Variants in NLGN4Y observed in about 807,000 individuals in gnomAD.
The protein encoded by NLGN4Y is neuroligin-4, Y-linked.
A neutral mutation model predicts 8.4 loss-of-function variants in NLGN4Y; 4 were observed. The ratio of observed to expected loss-of-function variants is 0.48; its 90% CI spans 0.23 to 1.09. The LOEUF (loss-of-function observed/expected upper bound fraction) is 1.09. Among genes scored for constraint, NLGN4Y ranks in the 50% least tolerant of loss-of-function variants. The probability of loss-of-function intolerance (pLI) is 0.19; values close to 1 mark genes in which losing one functional copy is unlikely to be tolerated. For missense variants in NLGN4Y, 90 were observed against 192.3 expected (o/e 0.47, Z 3.15); for synonymous variants, 35 against 75.6 (o/e 0.46, Z 2.78).
chrY:14,595,296 G>A (rs1017134387), intron 1 of NLGN4Y, among the ~76,000 whole-genome samples: 2 of 32,544 alleles, frequency 6.1e-5, no homozygotes, highest in Admixed American at 5.7e-4. Context: ...GTTTCCTTCC[G>A]GGCAGGGGAG....
At chrY:14,579,588 T>G in intron 1 of NLGN4Y, among the ~76,000 whole-genome samples, 3 of 32,479 alleles carry the variant, frequency 9.2e-5, no homozygotes, top group Non-Finnish European at 2.3e-4. Flanking sequence ...GGCACTTGCC[T>G]GTAGTCCTAG....
At chrY:14,739,387 G>C in intron 4 of NLGN4Y, among the ~76,000 whole-genome samples, 1 of 32,977 alleles carries the variant, frequency 3.0e-5, no homozygotes, top group Non-Finnish European at 7.4e-5. Context: ...GAAAGAATAT[G>C]TACATAGGGG....
At chrY:14,646,984 T>C in intron 2 of NLGN4Y, among the ~76,000 whole-genome samples, 1 of 34,070 alleles carries the variant, frequency 2.9e-5, no homozygotes, top group Non-Finnish European at 7.3e-5. Context: ...CAAGCTCTGA[T>C]TTGCATTTTG....
chrY:14,817,690 G>A (rs895932945), intron 4 of NLGN4Y, among the ~76,000 whole-genome samples: 3 of 33,202 alleles, frequency 9.0e-5, no homozygotes, highest in African/African-American at 3.5e-4. Flanking sequence ...TGACCAAACA[G>A]ATGAGGGCTA....
chrY:14,615,596 A>G, intron 1 of NLGN4Y, among the ~76,000 whole-genome samples: 1 of 33,628 alleles, frequency 3.0e-5, no homozygotes, highest in Non-Finnish European at 7.4e-5. Flanking sequence ...TGTTTCATCA[A>G]TACCTCGTTA....
At chrY:14,733,579 C>T in intron 4 of NLGN4Y, 5 of 170,746 alleles carry the variant, frequency 2.9e-5, no homozygotes, top group African/African-American at 2.6e-4. Flanking sequence ...GATTTTAGGG[C>T]GATTCTACCC....
Position 14,588,929 on chromosome Y carries a change from T to C in NLGN4Y, c.-111-33080T>C, listed in dbSNP as rs2150490105. Among the ~76,000 whole-genome samples the C allele has an allele frequency of 9.2e-5, 3 of 32,782 alleles. No individual in the cohort carries two copies. In the South Asian group the frequency reaches 2.2e-3, roughly 24 times the overall value. 88.0% of individuals were successfully genotyped at this position (32,782 alleles called of 37,273 possible). A position where few individuals can be genotyped will look rare whatever the true frequency, so the allele number is the denominator to read the frequency against. On this transcript the variant is annotated intron_variant, in intron 1 of 6. Transcript: ENST00000684976. The stretch of plus-strand genomic sequence containing the variant: ...TGCATCTGGAGTTGTTCATTACTCC[T>C]GGTGGGCTCGTGGTCTTGCTGGGCT...
chrY:14,743,585 C>T (rs1603503424), intron 4 of NLGN4Y, among the ~76,000 whole-genome samples: 1 of 31,844 alleles, frequency 3.1e-5, no homozygotes, highest in Non-Finnish European at 7.6e-5. Context: ...GCACAGTAAA[C>T]GGGAGTCTCT....
chrY:14,680,596 CTA>C (rs2080765275), intron 2 of NLGN4Y, among the ~76,000 whole-genome samples: 1 of 33,263 alleles, frequency 3.0e-5, no homozygotes, highest in Non-Finnish European at 7.4e-5. Flanking sequence ...TGAGGCCTCA[CTA>C]TGTGTAAGAC....
intron 2 of NLGN4Y, among the ~76,000 whole-genome samples, chrY:14,688,189 C>G: frequency 3.0e-5 from 1 of 33,021 alleles, no homozygotes; most frequent in South Asian, 6.7e-4. Flanking sequence ...TATGAGACAT[C>G]AAACATAATA....
chrY:14,826,143 A>G (rs755084673), intron 5 of NLGN4Y, among the ~76,000 whole-genome samples: 24 of 33,466 alleles, frequency 7.2e-4, no homozygotes, highest in African/African-American at 2.8e-3. Flanking sequence ...AGGAGAAAGC[A>G]GGAAAATCTG....
intron 6 of NLGN4Y, among the ~76,000 whole-genome samples, chrY:14,838,552 C>T: frequency 3.1e-5 from 1 of 32,064 alleles, no homozygotes; most frequent in Admixed American, 2.9e-4. Flanking sequence ...TACAGTATAC[C>T]ATTATATACT....
At chrY:14,670,449 G>A (rs2080706601) in intron 2 of NLGN4Y, among the ~76,000 whole-genome samples, 1 of 33,404 alleles carries the variant, frequency 3.0e-5, no homozygotes, top group Non-Finnish European at 7.4e-5. Context: ...CTAGTTGAAT[G>A]GCAAAACTAA....
chrY:14,629,618 G>T, intron 2 of NLGN4Y, among the ~76,000 whole-genome samples: 1 of 33,817 alleles, frequency 3.0e-5, no homozygotes. Context: ...GCTTTACGTG[G>T]TGAGTGAGAG....
chrY:14,679,800 T>A (rs2150532777), intron 2 of NLGN4Y, among the ~76,000 whole-genome samples: 1 of 33,578 alleles, frequency 3.0e-5, no homozygotes. Flanking sequence ...TGATTTTGCA[T>A]CCTTGGCACT....
chrY:14,682,936 G>A (rs2080775624), intron 2 of NLGN4Y, among the ~76,000 whole-genome samples: 1 of 32,985 alleles, frequency 3.0e-5, no homozygotes, highest in African/African-American at 1.2e-4. Flanking sequence ...GAGATCAAGG[G>A]TACAGTGTAC....
chrY:14,542,717 G>T, intron 1 of NLGN4Y, among the ~76,000 whole-genome samples: 1 of 32,972 alleles, frequency 3.0e-5, no homozygotes. Context: ...AATAGCACAG[G>T]CTTGGAACCA....
intron 1 of NLGN4Y, among the ~76,000 whole-genome samples, chrY:14,602,554 T>A: frequency 3.0e-5 from 1 of 33,576 alleles, no homozygotes; most frequent in African/African-American, 1.2e-4. Context: ...CTTATGTAAA[T>A]GAAAATCACA....
intron 4 of NLGN4Y, among the ~76,000 whole-genome samples, chrY:14,779,794 C>T: frequency 3.0e-5 from 1 of 33,189 alleles, no homozygotes; most frequent in Non-Finnish European, 7.4e-5. Flanking sequence ...CACCCACTCA[C>T]AGAGACCTAT....
Sources: allele counts gnomAD v4.1 joint callset (sites outside exome capture counted in the v4.1 genomes callset), GRCh38; gene constraint gnomAD v4.1.1; transcripts MANE v1.5; gene names NCBI Gene and HGNC (gene_info 2026-07-23, HGNC 2026-07-21).